Variants in NTRK2 observed in about 807,000 individuals in gnomAD.
The protein encoded by NTRK2 is BDNF/NT-3 growth factors receptor.
A neutral mutation model predicts 94.5 loss-of-function variants in NTRK2; 13 were observed. The observed-to-expected ratio is 0.14, with a 90% CI of 0.09 to 0.22. The LOEUF (loss-of-function observed/expected upper bound fraction) is 0.22, where lower values mean the gene tolerates loss of function less well. NTRK2 is among the 10% of genes least tolerant of loss of function. The probability of loss-of-function intolerance (pLI) is 1.00; values close to 1 mark genes in which losing one functional copy is unlikely to be tolerated. For missense variants in NTRK2, 639 were observed against 1,071.2 expected (o/e 0.60, Z 5.63); for synonymous variants, 372 against 407.4 (o/e 0.91, Z 1.05).
intron 14 of NTRK2, among the ~76,000 whole-genome samples, chr9:84,930,129 G>A (rs551596857): frequency 6.6e-6 from 1 of 152,350 alleles, no homozygotes; most frequent in East Asian, 1.9e-4. Context: ...AGTTTGTCCA[G>A]AATGTGAATC....
intron 17 of NTRK2, among the ~76,000 whole-genome samples, chr9:85,003,893 A>G (rs1177481365): frequency 6.7e-6 from 1 of 150,326 alleles, no homozygotes. Context: ...TGGGGATAAG[A>G]GAAAACAAGG....
intron 17 of NTRK2, among the ~76,000 whole-genome samples, chr9:84,987,635 C>T (rs1284706213): frequency 6.6e-6 from 1 of 152,118 alleles, no homozygotes; most frequent in African/African-American, 2.4e-5. Context: ...TTAGCAGAAG[C>T]ATTAACTAAG....
intron 12 of NTRK2, among the ~76,000 whole-genome samples, chr9:84,798,690 T>C (rs1182050045): frequency 6.6e-6 from 1 of 152,166 alleles, no homozygotes; most frequent in African/African-American, 2.4e-5. Flanking sequence ...CTGACACAGA[T>C]GATTATTTTT....
chr9:84,984,213 C>T (rs1334415735), intron 17 of NTRK2, among the ~76,000 whole-genome samples: 4 of 152,134 alleles, frequency 2.6e-5, no homozygotes, highest in Non-Finnish European at 4.4e-5. Context: ...TGGCTCATAC[C>T]TGTAATCCCA....
At chr9:84,775,514 C>A (rs1322520408) in intron 12 of NTRK2, among the ~76,000 whole-genome samples, 1 of 152,146 alleles carries the variant, frequency 6.6e-6, no homozygotes, top group Admixed American at 6.6e-5. Flanking sequence ...CTTGGCGTAA[C>A]CTAGGACGGG....
At chr9:84,669,245 C>G (rs2058549283), upstream of NTRK2, 1 of 152,452 alleles carries the variant, frequency 6.6e-6, no homozygotes, top group Non-Finnish European at 1.5e-5. This position sits in a 1 kb window ranked among gnomAD's most constrained non-coding sequence, Gnocchi z 4.1. Context: ...GAAAGGAGAA[C>G]GCGGGGAGGG....
intron 17 of NTRK2, among the ~76,000 whole-genome samples, chr9:84,985,302 T>C (rs1564526195): frequency 6.6e-6 from 1 of 152,206 alleles, no homozygotes; most frequent in Non-Finnish European, 1.5e-5. Context: ...AGCTGGCCTA[T>C]GTGGTTGATG....
In NTRK2 at chr9:84,723,708, T is replaced by A. The variant is rs200807970; in HGVS notation, c.719T>A (p.Met240Lys). The A allele has an allele frequency of 1.2e-6, 2 of 1,614,098 alleles. No homozygotes were observed. Among genetic ancestry groups the A allele is most frequent in the Non-Finnish European group, 1.7e-6 (2 of 1,179,948 alleles). Residue 240 changes from methionine (M) to lysine (K), a missense_variant and splice_region_variant, in exon 7 of 19, where the codon ATG becomes AAG. Transcript: ENST00000277120. ...GTTGGTAACCTGGTTTCCAAACATA[T>A]GGTAAGGCTTGTGTTTGGCTGTGTC... ...WDVGNLVSKH[M>K]NETSHTQGSL...
intron 12 of NTRK2, chr9:84,813,948 C>T: frequency 9.4e-7 from 1 of 1,065,622 alleles, no homozygotes; most frequent in Non-Finnish European, 1.1e-6. Flanking sequence ...GGAATGCATC[C>T]ACCGTCATCA....
At chr9:84,989,682 C>T (rs908759332) in intron 17 of NTRK2, among the ~76,000 whole-genome samples, 4 of 152,208 alleles carry the variant, frequency 2.6e-5, no homozygotes, top group Non-Finnish European at 4.4e-5. Flanking sequence ...TCTCATTTTC[C>T]AAAAGCCGCA....
intron 14 of NTRK2, among the ~76,000 whole-genome samples, chr9:84,879,481 A>G (rs1483831822): frequency 6.6e-6 from 1 of 152,146 alleles, no homozygotes; most frequent in Non-Finnish European, 1.5e-5. Context: ...CTCTATTTTT[A>G]TATAATTTCT....
At chr9:84,800,450 C>T (rs921357440) in intron 12 of NTRK2, among the ~76,000 whole-genome samples, 2 of 152,202 alleles carry the variant, frequency 1.3e-5, no homozygotes, top group Non-Finnish European at 2.9e-5. Flanking sequence ...ATCTGCCTGC[C>T]TCGGCCTCCC....
intron 2 of NTRK2, among the ~76,000 whole-genome samples, chr9:84,691,532 A>T (rs1453708442): frequency 2.0e-5 from 3 of 152,158 alleles, no homozygotes; most frequent in Admixed American, 2.0e-4. Context: ...TTAAGGCCAG[A>T]TCTGTTCTCT....
At chr9:84,811,114 T>A in intron 12 of NTRK2, 1 of 1,068,358 alleles carries the variant, frequency 9.4e-7, no homozygotes, top group African/African-American at 1.6e-5. Flanking sequence ...TTTTCATCTA[T>A]AACACAGTGA....
chr9:84,871,649 GT>G, intron 14 of NTRK2: 1 of 784,152 alleles, frequency 1.3e-6, no homozygotes, highest in South Asian at 1.4e-5. Context: ...ATCCCTTGAA[GT>G]ATGTTTTCAC....
intron 6 of NTRK2, among the ~76,000 whole-genome samples, chr9:84,720,461 A>T (rs1006600728): frequency 1.3e-5 from 2 of 152,130 alleles, no homozygotes; most frequent in African/African-American, 4.8e-5. Flanking sequence ...GAATAATTTG[A>T]CCACCCCCTT....
chr9:84,791,258 G>A (rs1416209568), intron 12 of NTRK2, among the ~76,000 whole-genome samples: 1 of 152,094 alleles, frequency 6.6e-6, no homozygotes, highest in Non-Finnish European at 1.5e-5. Context: ...CATTACTTGA[G>A]GACTTTGACC....
At chr9:84,868,212 T>C (rs1587747175) in intron 14 of NTRK2, among the ~76,000 whole-genome samples, 1 of 151,930 alleles carries the variant, frequency 6.6e-6, no homozygotes, top group Non-Finnish European at 1.5e-5. Flanking sequence ...GTGAGGGCTA[T>C]GATGTCAGAT....
Position 84,812,182 on chromosome 9 carries a change from T to A in NTRK2, c.1397-48858T>A, listed in dbSNP as rs1240373360. The A allele has an allele frequency of 3.8e-6, 4 of 1,058,030 alleles. No homozygotes were observed. In the East Asian group the frequency reaches 1.6e-4, roughly 41 times the overall value. The allele number at this position is 1,058,030 out of a possible 1,614,324, so 65.5% of individuals were successfully genotyped here. A position where few individuals can be genotyped will look rare whatever the true frequency, so the allele number is the denominator to read the frequency against. On this transcript the variant is annotated intron_variant, in intron 12 of 18. Transcript: ENST00000277120. ...CCTCTGTAAACCAAGGCATTAATCT[T>A]AATAAACCAGGATCCATTTAGGTAC...
Sources: allele counts gnomAD v4.1 joint callset (sites outside exome capture counted in the v4.1 genomes callset), GRCh38; gene constraint gnomAD v4.1.1; non-coding constraint Gnocchi (gnomAD v3.1); transcripts MANE v1.5; gene names NCBI Gene and HGNC (gene_info 2026-07-23, HGNC 2026-07-21).